The following RNF180 variants were observed in gnomAD, a reference collection of about 807,000 sequenced individuals.
RNF180 encodes ring finger protein 180.
RNF180 carries 38 observed loss-of-function variants against 59.2 expected under a neutral mutation model. That is an observed-to-expected ratio of 0.64 (90% CI 0.50 to 0.84). The LOEUF (loss-of-function observed/expected upper bound fraction) is 0.84, where lower values mean the gene tolerates loss of function less well. Among genes scored for constraint, RNF180 ranks in the 40% least tolerant of loss-of-function variants. The probability of loss-of-function intolerance (pLI) is 0.00; values close to 1 mark genes in which losing one functional copy is unlikely to be tolerated. For synonymous variants in RNF180, 262 were observed against 240.3 expected, an observed-to-expected ratio of 1.09 and a Z score of -0.84; for missense variants, 705 against 700.9, an observed-to-expected ratio of 1.01 and a Z score of -0.07.
At chr5:64,257,669 TTG>T (rs1335316792) in intron 5 of RNF180, among the ~76,000 whole-genome samples, 1 of 152,160 alleles carries the variant, frequency 6.6e-6, no homozygotes, top group Admixed American at 6.5e-5. Context: ...ATTCTCTTTT[TTG>T]TGTGTGTGTC....
chr5:64,267,180 A>G (rs925765109), intron 5 of RNF180, among the ~76,000 whole-genome samples: 10 of 152,076 alleles, frequency 6.6e-5, no homozygotes, highest in African/African-American at 2.4e-4. Context: ...TTTTTCGCCC[A>G]GACCATGGTT....
intron 5 of RNF180, among the ~76,000 whole-genome samples, chr5:64,256,194 C>G (rs564759158): frequency 6.6e-6 from 1 of 152,092 alleles, no homozygotes; most frequent in Non-Finnish European, 1.5e-5. Flanking sequence ...TGCAGAAGCT[C>G]CTTAGTTTAA....
At chr5:64,213,491 A>C in intron 3 of RNF180, 67 bp from the exon 4 acceptor site, 3 of 1,479,386 alleles carry the variant, frequency 2.0e-6, no homozygotes, top group Non-Finnish European at 1.8e-6. Flanking sequence ...GCTTTAAAGA[A>C]AAAAAAATTT....
At chr5:64,199,084 C>T (rs1290944875) in intron 1 of RNF180, among the ~76,000 whole-genome samples, 2 of 152,192 alleles carry the variant, frequency 1.3e-5, no homozygotes, top group Admixed American at 6.5e-5. Flanking sequence ...TCCCAGAGTG[C>T]TGGGATTACG....
rs553742326 is a variant in RNF180, at chr5:64,200,315, TGTG to T, written c.1-486_1-484del. On this transcript the variant is annotated intron_variant, in intron 1 of 7. Coordinates refer to ENST00000389100, the MANE Select transcript of RNF180 (RefSeq NM_001113561.2). ...TAAAAAATAAAAAATATTAGCCAAGTGTGGTGGTGCACTCCTATAGTCCCTGGT... is the reference window on the plus strand; with the variant it reads ...TAAAAAATAAAAAATATTAGCCAAGTGTGGTGCACTCCTATAGTCCCTGGT... Among the ~76,000 whole-genome samples, 466 of 152,182 alleles carry T rather than the reference TGTG, an allele frequency of 3.1e-3. 2 individuals carry two copies. The highest frequency in any genetic ancestry group is 3.8e-3 in the Non-Finnish European group (258 of 67,982).
intron 7 of RNF180, among the ~76,000 whole-genome samples, chr5:64,340,927 T>C (rs1580280127): frequency 6.6e-6 from 1 of 152,060 alleles, no homozygotes; most frequent in Admixed American, 6.6e-5. Context: ...CCCTCCCTCT[T>C]CCTTTACCTC....
intron 7 of RNF180, among the ~76,000 whole-genome samples, chr5:64,333,637 A>G (rs1199634526): frequency 6.6e-6 from 1 of 152,202 alleles, no homozygotes; most frequent in African/African-American, 2.4e-5. Context: ...CCAAAGTTCT[A>G]AAAGAATGGA....
At chr5:64,204,843 A>G (rs1215679977) in intron 2 of RNF180, among the ~76,000 whole-genome samples, 4 of 152,082 alleles carry the variant, frequency 2.6e-5, no homozygotes, top group Non-Finnish European at 5.9e-5. Flanking sequence ...TGAGGTTATA[A>G]TCAGCTTTAT....
intron 5 of RNF180, among the ~76,000 whole-genome samples, chr5:64,225,661 C>T (rs1741679435): frequency 7.0e-6 from 1 of 142,294 alleles, no homozygotes; most frequent in South Asian, 2.3e-4. Context: ...TGAGGAGCGC[C>T]TCTGCCCGGC....
intron 5 of RNF180, among the ~76,000 whole-genome samples, chr5:64,252,961 A>G (rs1365559073): frequency 6.6e-6 from 1 of 152,028 alleles, no homozygotes; most frequent in African/African-American, 2.4e-5. Flanking sequence ...GACCTCATTC[A>G]TGTTTGCTCT....
chr5:64,182,846 C>T (rs1306835422), intron 1 of RNF180, among the ~76,000 whole-genome samples: 6 of 152,178 alleles, frequency 3.9e-5, no homozygotes, highest in African/African-American at 1.4e-4. Context: ...TCTTTGCAGA[C>T]CCTGTCAATG....
chr5:64,273,942 A>T (rs1741573372), intron 5 of RNF180, among the ~76,000 whole-genome samples: 2 of 152,154 alleles, frequency 1.3e-5, no homozygotes, highest in South Asian at 4.1e-4. Flanking sequence ...GTTCCCACAG[A>T]TTTGACACTA....
At chr5:64,365,488 T>A (rs1418559388) in intron 7 of RNF180, among the ~76,000 whole-genome samples, 1 of 151,512 alleles carries the variant, frequency 6.6e-6, no homozygotes, top group Non-Finnish European at 1.5e-5. Flanking sequence ...GTTTGGGGGT[T>A]GAGAGTTCTG....
Position 64,369,995 on chromosome 5 carries a change from T to C in RNF180, c.*181T>C, listed in dbSNP as rs2069104366. 2 of 449,096 alleles carry C rather than the reference T, an allele frequency of 4.5e-6. No homozygotes were observed. The highest frequency in any genetic ancestry group is 8.3e-5 in the South Asian group (2 of 24,002). The allele number at this position is 449,096 out of a possible 1,614,324, so 27.8% of individuals were successfully genotyped here. The stretch of plus-strand genomic sequence containing the variant: ...GTTTTTCATGTAACAAACTAAACTT[T>C]ATTCAAGAGCTAACCTACCCAGCAC... On this transcript the variant is annotated 3_prime_UTR_variant, in exon 8 of 8. Transcript: ENST00000389100.
At chr5:64,336,442 A>G (rs1051071641) in intron 7 of RNF180, among the ~76,000 whole-genome samples, 17 of 152,206 alleles carry the variant, frequency 1.1e-4, no homozygotes, top group Non-Finnish European at 2.4e-4. Context: ...AAACACTCTA[A>G]TGAATATCCT....
intron 7 of RNF180, among the ~76,000 whole-genome samples, chr5:64,369,308 T>G (rs1399775195): frequency 1.3e-5 from 2 of 151,610 alleles, no homozygotes; most frequent in Non-Finnish European, 2.9e-5. Context: ...TGGGGACTGT[T>G]GTGGGGTGGG....
chr5:64,224,430 T>C (rs903858105), intron 5 of RNF180, among the ~76,000 whole-genome samples: 3 of 152,196 alleles, frequency 2.0e-5, no homozygotes, highest in Non-Finnish European at 4.4e-5. Context: ...TTCATTTATA[T>C]AGCTTTTCTT....
intron 5 of RNF180, among the ~76,000 whole-genome samples, chr5:64,225,884 T>G (rs112480653): frequency 0.088 from 6,533 of 74,470 alleles, 524 homozygotes; most frequent in African/African-American, 0.26. Context: ...AAGTGAGGAG[T>G]GCCTCTGCCC....
intron 5 of RNF180, among the ~76,000 whole-genome samples, chr5:64,244,307 C>G (rs547252789): frequency 6.6e-6 from 1 of 151,702 alleles, no homozygotes; most frequent in East Asian, 1.9e-4. Context: ...GCTAAAGGAG[C>G]ATATTCTAAC....
Sources: gnomAD v4.1 joint callset for allele counts (sites outside exome capture counted in the v4.1 genomes callset) on GRCh38, gnomAD v4.1.1 for gene constraint, MANE v1.5 for transcripts, NCBI Gene and HGNC (gene_info 2026-07-23, HGNC 2026-07-21) for gene names.